MVB12B: variants seen among roughly 807,000 people sequenced by gnomAD.
The protein encoded by MVB12B is ESCRT-I complex subunit MVB12B.
In MVB12B, 16 loss-of-function variants were observed where a neutral mutation model predicts 41.6. That is an observed-to-expected ratio of 0.38 (90% CI 0.26 to 0.58). MVB12B has a LOEUF of 0.58. Ranked by LOEUF, MVB12B falls within the 20% of genes least tolerant of loss-of-function variation. The pLI is 0.62. For synonymous variants in MVB12B, 133 were observed against 139.7 expected (o/e 0.95, Z 0.34); for missense variants, 274 against 380.2 (o/e 0.72, Z 2.32).
At chr9:126,453,117 A>G (rs534847047) in intron 7 of MVB12B, among the ~76,000 whole-genome samples, 1 of 152,156 alleles carries the variant, frequency 6.6e-6, no homozygotes, top group South Asian at 2.1e-4. Context: ...TTAAGAGAAG[A>G]CTTGCTGAAA....
intron 7 of MVB12B, among the ~76,000 whole-genome samples, chr9:126,437,639 C>T (rs924846898): frequency 6.6e-6 from 1 of 152,210 alleles, no homozygotes; most frequent in African/African-American, 2.4e-5. Context: ...TTAATCTCTT[C>T]TTTTCAGCCT....
intron 7 of MVB12B, among the ~76,000 whole-genome samples, chr9:126,453,349 C>T (rs1346120794): frequency 6.6e-6 from 1 of 152,146 alleles, no homozygotes; most frequent in Non-Finnish European, 1.5e-5. Flanking sequence ...AGCAGGGAAG[C>T]AGCTGAGCAC....
At chr9:126,342,108 G>T (rs1829460088) in intron 2 of MVB12B, among the ~76,000 whole-genome samples, 1 of 152,186 alleles carries the variant, frequency 6.6e-6, no homozygotes, top group African/African-American at 2.4e-5. Flanking sequence ...CGAAACTCTG[G>T]GGGAAGCTAA....
At chr9:126,413,353 G>A (rs549899546) in intron 6 of MVB12B, among the ~76,000 whole-genome samples, 2 of 152,212 alleles carry the variant, frequency 1.3e-5, no homozygotes, top group African/African-American at 4.8e-5. Flanking sequence ...TGGAGTAGGG[G>A]GGGTCTCAGC....
At chr9:126,335,538 G>A (rs1230752) in intron 1 of MVB12B, 537,015 of 537,892 alleles carry the variant, frequency 1, 268,077 homozygotes, top group East Asian at 1. Context: ...CCTTGCTTGC[G>A]ATTTGCCAGC....
At chr9:126,422,076 T>G (rs887470480) in intron 7 of MVB12B, 128 bp downstream of exon 7, 32 of 698,332 alleles carry the variant, frequency 4.6e-5, no homozygotes, top group Non-Finnish European at 7.3e-5. Context: ...GCAGGGGACC[T>G]GTTCCCTGCA....
chr9:126,367,675 A>G lies in MVB12B; in HGVS notation c.205-13389A>G, dbSNP rs1012103218. ...ACTTCTGATGACACCAAATATCCAT[A>G]CTGTGTCTGCCCCTGCACTAGTTGC... On this transcript the variant is annotated intron_variant, in intron 2 of 9. Coordinates refer to ENST00000361171, the MANE Select transcript of MVB12B (RefSeq NM_033446.3). This position sits in a 1 kb window ranked among gnomAD's most constrained non-coding sequence, Gnocchi z 4.3. 2.6e-5 allele frequency among the ~76,000 whole-genome samples: 4 copies of G among 152,122 alleles called. No individual in the cohort carries two copies. The highest frequency in any genetic ancestry group is 4.8e-5 in the African/African-American group (2 of 41,408).
intron 9 of MVB12B, among the ~76,000 whole-genome samples, chr9:126,494,832 T>C (rs902773567): frequency 6.6e-6 from 1 of 151,754 alleles, no homozygotes; most frequent in Admixed American, 6.6e-5. Context: ...TTCAGGTGAA[T>C]TCTAAAATGC....
intron 7 of MVB12B, among the ~76,000 whole-genome samples, chr9:126,439,439 T>C (rs1483167228): frequency 2.0e-5 from 3 of 152,388 alleles, no homozygotes; most frequent in South Asian, 4.1e-4. Flanking sequence ...GATTGTACCA[T>C]GTACCTTGTA....
At chr9:126,415,005 T>C (rs1350631898) in intron 6 of MVB12B, among the ~76,000 whole-genome samples, 5 of 152,124 alleles carry the variant, frequency 3.3e-5, no homozygotes, top group African/African-American at 1.2e-4. Context: ...CCTGGGATTA[T>C]AGGCATGAGC....
rs139776421 is a variant in MVB12B, at chr9:126,392,369, C to T, written c.539+174C>T. ...CTGCTCAGCTGCGGTCTCTCTGAGCCTCGGCTCGCACTGCTGACTCCACCT... is the reference window on the plus strand; with the variant it reads ...CTGCTCAGCTGCGGTCTCTCTGAGCTTCGGCTCGCACTGCTGACTCCACCT... On this transcript the variant is annotated intron_variant, in intron 5 of 9. Coordinates refer to ENST00000361171, the MANE Select transcript of MVB12B (RefSeq NM_033446.3). The surrounding 1 kb of genome is among the most constrained non-coding windows in gnomAD (Gnocchi z 4.8). 5.9e-5 allele frequency among the ~76,000 whole-genome samples: 9 copies of T among 152,338 alleles called. No homozygotes were observed. The highest frequency in any genetic ancestry group is 1.0e-4 in the Non-Finnish European group (7 of 68,032).
intron 6 of MVB12B, among the ~76,000 whole-genome samples, chr9:126,403,948 A>ATTT (rs1831341462): frequency 8.2e-5 from 11 of 133,508 alleles, no homozygotes; most frequent in East Asian, 2.8e-4. Flanking sequence ...ACTCCTTTAA[A>ATTT]TCTTTTTTTT....
In MVB12B at chr9:126,355,857, G is replaced by A. The variant is rs181617122; in HGVS notation, c.204+15227G>A. ...TAGTGGCATTTAGTACATTTATAAT[G>A]TTGAACAACCACCACCTCTATCTAG... On this transcript the variant is annotated intron_variant, in intron 2 of 9. Transcript: ENST00000361171. Among the ~76,000 whole-genome samples, 194 of 152,230 alleles carry A rather than the reference G, an allele frequency of 1.3e-3. 1 individual carries two copies. The highest frequency in any genetic ancestry group is 2.2e-3 in the Non-Finnish European group (148 of 68,010).
chr9:126,426,972 T>C (rs2119104499), intron 7 of MVB12B: 1 of 152,496 alleles, frequency 6.6e-6, no homozygotes, highest in African/African-American at 2.4e-5. Context: ...ATGAGTGCTC[T>C]TGTTTTCTTT....
chr9:126,425,878 A>G (rs1832162108), intron 7 of MVB12B, among the ~76,000 whole-genome samples: 1 of 152,140 alleles, frequency 6.6e-6, no homozygotes, highest in Admixed American at 6.6e-5. Context: ...TCACTCTGTT[A>G]CCCATCTGGG....
rs562413622 is a variant in MVB12B at position 126,443,489 on chromosome 9, TA to T, written c.757+21548del. ...TGATATTTCTTCCTCTTTTAAAAAA[TA>T]AAAAAACAGACACAAAGCTTTTCTT... On this transcript the variant is annotated intron_variant, in intron 7 of 9. Transcript: ENST00000361171. Among the ~76,000 whole-genome samples the T allele has an allele frequency of 6.9e-3, 1,056 of 152,172 alleles. 16 individuals carry two copies. The highest frequency in any genetic ancestry group is 0.024 in the African/African-American group (1,001 of 41,504).
Position 126,376,691 on chromosome 9 carries a change from AT to A in MVB12B, c.205-4371del, listed in dbSNP as rs766723612. 5.5e-5 allele frequency: 70 copies of A among 1,274,458 alleles called. No homozygotes were observed. The highest frequency in any genetic ancestry group is 6.8e-5 in the Non-Finnish European group (67 of 978,396). The allele number at this position is 1,274,458 out of a possible 1,614,324, so 78.9% of individuals were successfully genotyped here. On this transcript the variant is annotated intron_variant, in intron 2 of 9. Transcript: ENST00000361171. The surrounding 1 kb of genome is among the most constrained non-coding windows in gnomAD (Gnocchi z 4.1). Reference sequence around the variant, plus strand: ...TTCAGTGTGTACGCTTGGTTACTCAATTACCCTCGTTTCCACTCTGAAGTTG... The same window carrying A: ...TTCAGTGTGTACGCTTGGTTACTCAATACCCTCGTTTCCACTCTGAAGTTG...
rs1564357082 is a variant in MVB12B, at chr9:126,505,676, G to GTA, written c.*2414_*2415insAT. The stretch of plus-strand genomic sequence containing the variant: ...TGCCTGTGTGTGTGTGTGTGTGTGT[G>GTA]TGTATATGTGTGTGTGTGCACGCAC... On this transcript the variant is annotated 3_prime_UTR_variant, in exon 10 of 10. Transcript: ENST00000361171. 1.0e-5 allele frequency: 1 copy of GTA among 95,270 alleles called. No homozygotes were observed. Among genetic ancestry groups the GTA allele is most frequent in the African/African-American group, 4.6e-5 (1 of 21,634 alleles). The allele number at this position is 95,270 out of a possible 1,614,324, so 5.9% of individuals were successfully genotyped here. A position where few individuals can be genotyped will look rare whatever the true frequency, so the allele number is the denominator to read the frequency against.
Position 126,386,747 on chromosome 9 carries a change from C to T in MVB12B, c.409+89C>T. On this transcript the variant is annotated intron_variant, in intron 4 of 9. Transcript: ENST00000361171. This position sits in a 1 kb window ranked among gnomAD's most constrained non-coding sequence, Gnocchi z 4.3. ...GTGTTTTTCTATGTGCATTTTTCTT[C>T]AGAAACACTTTTGGAGGCCTTACTA... 4.1e-6 allele frequency: 4 copies of T among 971,406 alleles called. No individual in the cohort carries two copies. The highest frequency in any genetic ancestry group is 4.8e-6 in the Non-Finnish European group (3 of 625,042). The allele number at this position is 971,406 out of a possible 1,614,324, so 60.2% of individuals were successfully genotyped here.
Sources: gnomAD v4.1 joint callset for allele counts (sites outside exome capture counted in the v4.1 genomes callset) on GRCh38, gnomAD v4.1.1 for gene constraint, Gnocchi (gnomAD v3.1) non-coding constraint, MANE v1.5 for transcripts, NCBI Gene and HGNC (gene_info 2026-07-23, HGNC 2026-07-21) for gene names.